Variants in SETD2 observed in about 807,000 individuals in gnomAD.
The protein encoded by SETD2 is histone-lysine N-methyltransferase SETD2.
A neutral mutation model predicts 242.1 loss-of-function variants in SETD2; 31 were observed. The observed-to-expected ratio is 0.13, with a 90% CI of 0.10 to 0.17. SETD2 has a LOEUF of 0.17. Among genes scored for constraint, SETD2 ranks in the 10% least tolerant of loss-of-function variants. The pLI is 1.00. For missense variants in SETD2, 2,481 were observed against 3,046.3 expected, an observed-to-expected ratio of 0.81 and a Z score of 4.37; for synonymous variants, 1,006 against 1,066.5, an observed-to-expected ratio of 0.94 and a Z score of 1.11.
chr3:47,017,570 G>C lies in SETD2; in HGVS notation c.7533+68C>G. ...AAAAAATACTTTCTATGATGAAAAG[G>C]GCTTCTTAGAAGGTACACAGTTTGC... is the stretch of plus-strand genomic sequence containing the variant. On this transcript the variant is annotated intron_variant, in intron 20 of 20. Transcript: ENST00000409792. The surrounding 1 kb of genome is among the most constrained non-coding windows in gnomAD (Gnocchi z 4.8). 8.9e-7 allele frequency: 1 copy of C among 1,127,892 alleles called. No individual in the cohort carries two copies. Among genetic ancestry groups the C allele is most frequent in the Non-Finnish European group, 1.3e-6 (1 of 747,160 alleles). The allele number at this position is 1,127,892 out of a possible 1,614,324, so 69.9% of individuals were successfully genotyped here.
chr3:47,143,333 T>G (rs1021310100), intron 1 of SETD2, among the ~76,000 whole-genome samples: 1 of 152,026 alleles, frequency 6.6e-6, no homozygotes, highest in Admixed American at 6.6e-5. Flanking sequence ...GAAAAAACCT[T>G]AACAAAAGTA....
chr3:47,042,445 CA>C, intron 17 of SETD2, 115 bp downstream of exon 17: 1 of 970,926 alleles, frequency 1.0e-6, no homozygotes, highest in Admixed American at 2.1e-5. Context: ...CAGCAGCCTT[CA>C]AGCACAGTGA....
At chr3:47,048,870 G>T (rs1286747845) in intron 15 of SETD2, among the ~76,000 whole-genome samples, 1 of 151,940 alleles carries the variant, frequency 6.6e-6, no homozygotes, top group African/African-American at 2.4e-5. Context: ...GTTTCACCAT[G>T]TTGGCCAGGA....
chr3:47,017,725 G>A lies in SETD2; in HGVS notation c.7446C>T (p.Ile2482=), dbSNP rs1221536539. Residue 2482 remains isoleucine, a synonymous_variant, in exon 20 of 21, where the codon ATC becomes ATT. Coordinates refer to ENST00000409792, the MANE Select transcript of SETD2 (RefSeq NM_014159.7). The surrounding 1 kb of genome is among the most constrained non-coding windows in gnomAD (Gnocchi z 4.8). ...EVFRKEMSQF[I]VQCLNPYRKP... is the part of the protein sequence containing the mutation. Reference sequence around the variant, plus strand: ...TCCGGTAAGGGTTCAGGCACTGGACGATGAACTGGGACATCTGCAGGCAGA... The same window carrying A: ...TCCGGTAAGGGTTCAGGCACTGGACAATGAACTGGGACATCTGCAGGCAGA... 5 of 1,612,872 alleles carry A rather than the reference G, an allele frequency of 3.1e-6. No homozygotes were observed. Among genetic ancestry groups the A allele is most frequent in the South Asian group, 2.2e-5 (2 of 91,076 alleles).
At chr3:47,075,861 C>T (rs946568751) in intron 12 of SETD2, among the ~76,000 whole-genome samples, 1 of 152,126 alleles carries the variant, frequency 6.6e-6, no homozygotes, top group Non-Finnish European at 1.5e-5. Context: ...TTCTGACCAT[C>T]TATCAAATAA....
chr3:47,086,489 C>G (rs940764371), intron 10 of SETD2, among the ~76,000 whole-genome samples, 175 bp from the exon 11 acceptor site: 2 of 152,130 alleles, frequency 1.3e-5, no homozygotes, highest in Non-Finnish European at 2.9e-5. Context: ...ACAACAAATG[C>G]TTTAAACAGA....
chr3:47,050,721 C>CTT lies in SETD2; in HGVS notation c.6964-4101_6964-4100insAA, dbSNP rs1207924691. 9.9e-5 allele frequency among the ~76,000 whole-genome samples: 7 copies of CTT among 70,376 alleles called. No homozygotes were observed. In the East Asian group the frequency reaches 3.0e-3, roughly 30 times the overall value. The allele number at this position is 70,376 out of a possible 152,430, so 46.2% of individuals were successfully genotyped here. A position where few individuals can be genotyped will look rare whatever the true frequency, so the allele number is the denominator to read the frequency against. ...TACTCAACCTGTATACATTTCCTCT[C>CTT]TCTTTTTTTTTTTTTTTTTTTTTTT... On this transcript the variant is annotated intron_variant, in intron 15 of 20. Coordinates refer to ENST00000409792, the MANE Select transcript of SETD2 (RefSeq NM_014159.7).
chr3:47,163,181 G>A (rs1404346685), intron 1 of SETD2, among the ~76,000 whole-genome samples: 3 of 152,198 alleles, frequency 2.0e-5, no homozygotes, highest in African/African-American at 7.2e-5. Context: ...TCAACAACGG[G>A]ACCACACAAA....
chr3:47,096,637 CT>C (rs2042018717), intron 9 of SETD2, among the ~76,000 whole-genome samples: 1 of 149,682 alleles, frequency 6.7e-6, no homozygotes, highest in Non-Finnish European at 1.5e-5. Flanking sequence ...AATCCCAGCA[CT>C]TTGGGAGGCC....
intron 5 of SETD2, among the ~76,000 whole-genome samples, chr3:47,112,101 C>T (rs1249772964): frequency 6.8e-6 from 1 of 147,778 alleles, no homozygotes; most frequent in Non-Finnish European, 1.5e-5. Context: ...GGCACTTGAC[C>T]TTCATTAAGA....
chr3:47,086,058 G>A (rs2041542346), intron 11 of SETD2, 137 bp downstream of exon 11: 1 of 895,526 alleles, frequency 1.1e-6, no homozygotes, highest in Non-Finnish European at 1.7e-6. Flanking sequence ...GAATGATACT[G>A]AGATGAAAAA....
intron 3 of SETD2, 56 bp downstream of exon 3, chr3:47,120,126 T>C (rs2107738334): frequency 7.3e-7 from 1 of 1,365,772 alleles, no homozygotes; most frequent in South Asian, 1.5e-5. Flanking sequence ...TTAAAGGCTT[T>C]TTCTAACAAC....
At chr3:47,083,270 T>C (rs768467154) in intron 12 of SETD2, among the ~76,000 whole-genome samples, 1 of 152,216 alleles carries the variant, frequency 6.6e-6, no homozygotes, top group Non-Finnish European at 1.5e-5. Flanking sequence ...TTCCATAAAG[T>C]TGTTTTTCTA....
chr3:47,115,639 A>T (rs933291839), intron 4 of SETD2, among the ~76,000 whole-genome samples: 1 of 152,150 alleles, frequency 6.6e-6, no homozygotes, highest in Non-Finnish European at 1.5e-5. Flanking sequence ...ATTTTTCATC[A>T]ATCAGATTGG....
In SETD2 at chr3:47,062,303, T is replaced by C. The variant is rs751805961; in HGVS notation, c.6153A>G (p.Thr2051=). The part of the protein sequence containing the change: ...GRDAVGFRDQ[T]PAPKTPNRSR... ...ACCTATTAGGAGTCTTCGGGGCAGGTGTTTGATCTCTGAAGCCAACAGCAT... is the reference window on the plus strand; with the variant it reads ...ACCTATTAGGAGTCTTCGGGGCAGGCGTTTGATCTCTGAAGCCAACAGCAT... Residue 2051 remains threonine (T), a synonymous_variant, in exon 14 of 21, where the codon ACA becomes ACG. Coordinates refer to ENST00000409792, the MANE Select transcript of SETD2 (RefSeq NM_014159.7). The C allele has an allele frequency of 6.2e-6, 10 of 1,612,922 alleles. No homozygotes were observed. In the South Asian group the frequency reaches 7.7e-5, roughly 12 times the overall value.
At chr3:47,055,696 A>C (rs1575697741) in intron 15 of SETD2, among the ~76,000 whole-genome samples, 1 of 147,998 alleles carries the variant, frequency 6.8e-6, no homozygotes, top group Admixed American at 6.8e-5. Context: ...TAATCTCTTA[A>C]AATAAAATAA....
chr3:47,020,796 C>G (rs1342772615), intron 18 of SETD2, among the ~76,000 whole-genome samples: 1 of 152,112 alleles, frequency 6.6e-6, no homozygotes, highest in Non-Finnish European at 1.5e-5. Context: ...GAATAATTTT[C>G]CTGCTCCCCA....
At chr3:47,051,777 C>T (rs1306393768) in intron 15 of SETD2, among the ~76,000 whole-genome samples, 1 of 150,526 alleles carries the variant, frequency 6.6e-6, no homozygotes, top group Non-Finnish European at 1.5e-5. Context: ...CTAGAGTGAC[C>T]AGGAAGTCAA....
At chr3:47,128,668 A>G (rs893420112) in intron 1 of SETD2, among the ~76,000 whole-genome samples, 1 of 152,164 alleles carries the variant, frequency 6.6e-6, no homozygotes, top group Admixed American at 6.5e-5. Context: ...TTCTACTCCA[A>G]AACCACTAAA....
Sources: gnomAD v4.1 joint callset for allele counts (sites outside exome capture counted in the v4.1 genomes callset) on GRCh38, gnomAD v4.1.1 for gene constraint, Gnocchi (gnomAD v3.1) non-coding constraint, MANE v1.5 for transcripts, NCBI Gene and HGNC (gene_info 2026-07-23, HGNC 2026-07-21) for gene names.